The following ARHGEF16 variants were observed in gnomAD, a reference collection of about 807,000 sequenced individuals.
The protein encoded by ARHGEF16 is Rho guanine nucleotide exchange factor 16.
ARHGEF16 carries 59 observed loss-of-function variants against 74.1 expected under a neutral mutation model. That is an observed-to-expected ratio of 0.80 (90% CI 0.65 to 0.99). The LOEUF (loss-of-function observed/expected upper bound fraction) is 0.99, where lower values mean the gene tolerates loss of function less well. Among genes scored for constraint, ARHGEF16 ranks in the 50% least tolerant of loss-of-function variants. The probability of loss-of-function intolerance (pLI) is 0.00; values close to 1 mark genes in which losing one functional copy is unlikely to be tolerated. For synonymous variants in ARHGEF16, 415 were observed against 412.6 expected, an observed-to-expected ratio of 1.01 and a Z score of -0.07; for missense variants, 948 against 986.6, an observed-to-expected ratio of 0.96 and a Z score of 0.52.
intron 1 of ARHGEF16, among the ~76,000 whole-genome samples, chr1:3,461,006 G>T (rs1241893332): frequency 6.6e-6 from 1 of 152,160 alleles, no homozygotes; most frequent in Non-Finnish European, 1.5e-5. Context: ...CAGTTGTGTG[G>T]CTGACTGTAG....
At chr1:3,474,603 G>A (rs1340913123) in intron 8 of ARHGEF16, 105 bp from the exon 9 acceptor site, 3 of 1,089,128 alleles carry the variant, frequency 2.8e-6, no homozygotes, top group Non-Finnish European at 4.2e-6. Flanking sequence ...CCTGGGGGCA[G>A]CTGTTGACCA....
At chr1:3,473,979 G>C in intron 8 of ARHGEF16, 1 of 255,846 alleles carries the variant, frequency 3.9e-6, no homozygotes, top group Non-Finnish European at 7.6e-6. Flanking sequence ...ACAGGGCAGA[G>C]GGTATATGAG....
chr1:3,467,078 T>G (rs1448568862), intron 3 of ARHGEF16, 90 bp from the exon 4 acceptor site: 6 of 1,348,240 alleles, frequency 4.5e-6, no homozygotes, highest in East Asian at 2.5e-5. Flanking sequence ...TGAGAGCCTG[T>G]GGGCCTAGAG....
intron 1 of ARHGEF16, among the ~76,000 whole-genome samples, chr1:3,458,535 A>T (rs1639318629): frequency 6.6e-6 from 1 of 152,220 alleles, no homozygotes; most frequent in Non-Finnish European, 1.5e-5. Context: ...GCTTCAGGAT[A>T]TGGACCTGGC....
chr1:3,465,975 T>C, intron 2 of ARHGEF16, 173 bp from the exon 3 acceptor site: 1 of 674,764 alleles, frequency 1.5e-6, no homozygotes, highest in East Asian at 2.9e-5. Flanking sequence ...TGAGCCCTCC[T>C]CCCACCTCTC....
Position 3,473,446 on chromosome 1 carries a change from C to T in ARHGEF16, c.1229C>T (p.Ala410Val), listed in dbSNP as rs1415298818. 7.4e-6 allele frequency: 12 copies of T among 1,612,348 alleles called. No homozygotes were observed. Among genetic ancestry groups the T allele is most frequent in the African/African-American group, 2.7e-5 (2 of 74,938 alleles). ...CTGAGAGAGATTGAGAGGCGGCCGG[C>T]GTGCGGGGGCCTGCCCATGCTCTCC... Reference protein sequence around the residue: ...EALREIERRPACGGLPMLSFL... With the variant: ...EALREIERRPVCGGLPMLSFL... Residue 410 changes from alanine (A) to valine (V), a missense_variant, in exon 8 of 15, where the codon GCG (alanine) becomes GTG (valine). Ala to Val is a moderately conservative substitution (Grantham distance 64). Coordinates refer to ENST00000378378, the MANE Select transcript of ARHGEF16 (RefSeq NM_014448.4).
At position 3,478,598 on chromosome 1, in the gene ARHGEF16, C is replaced by T. The variant is rs1207898735; in HGVS notation, c.1800C>T (p.Leu600=). The T allele has an allele frequency of 6.2e-7, 1 of 1,609,930 alleles. No individual in the cohort carries two copies. ...NSEGRQEQLL[L]SSDSASDRAR... ...AGGGCCGCCAGGAGCAGCTCCTGCTCTCCTCGGACTCCGCGTAAGTGGGCT... is the reference window on the plus strand; with the variant it reads ...AGGGCCGCCAGGAGCAGCTCCTGCTTTCCTCGGACTCCGCGTAAGTGGGCT... The change falls in exon 12 of 15, where the codon CTC becomes CTT. Residue 600 remains leucine, a synonymous_variant. Transcript: ENST00000378378.
chr1:3,476,107 C>A (rs1269156431), intron 10 of ARHGEF16, 45 bp downstream of exon 10: 74 of 1,533,514 alleles, frequency 4.8e-5, no homozygotes, highest in Non-Finnish European at 6.5e-5. Context: ...ACTTCCCACT[C>A]AGCCCTCCCT....
chr1:3,468,737 C>T, intron 4 of ARHGEF16, 143 bp from the exon 5 acceptor site: 1 of 845,830 alleles, frequency 1.2e-6, no homozygotes, highest in Non-Finnish European at 1.9e-6. Flanking sequence ...CAGGACAGGC[C>T]TACTCCAGGA....
Position 3,471,977 on chromosome 1 carries a change from T to G in ARHGEF16, c.1023-1101T>G, listed in dbSNP as rs113161412. ...GGACTGCAGCTCCATCTGCTGGGGA[T>G]TCTCAAGGGCAAGCAGCTGTCAGGA... On this transcript the variant is annotated intron_variant, in intron 6 of 14. Coordinates refer to ENST00000378378, the MANE Select transcript of ARHGEF16 (RefSeq NM_014448.4). Among the ~76,000 whole-genome samples, 125 of 152,288 alleles carry G rather than the reference T, an allele frequency of 8.2e-4. 1 individual carries two copies. The highest frequency in any genetic ancestry group is 3.4e-3 in the Middle Eastern group (1 of 294).
intron 1 of ARHGEF16, among the ~76,000 whole-genome samples, chr1:3,461,158 G>A (rs896270686): frequency 1.3e-5 from 2 of 152,342 alleles, no homozygotes; most frequent in African/African-American, 2.4e-5. Context: ...ACTGAGTGGT[G>A]GTGGTTATTG....
chr1:3,468,993 G>A (rs1639629170), intron 5 of ARHGEF16, 57 bp downstream of exon 5: 81 of 1,542,620 alleles, frequency 5.3e-5, no homozygotes, highest in South Asian at 3.6e-4. Context: ...TGCAACACCC[G>A]GGGAGGGGCA....
At chr1:3,471,848 A>C in intron 6 of ARHGEF16, 2 of 1,038,560 alleles carry the variant, frequency 1.9e-6, no homozygotes, top group Non-Finnish European at 2.4e-6. Flanking sequence ...AGTCACCCAT[A>C]TGAGCTGCTG....
chr1:3,473,825 C>T (rs1463799968), intron 8 of ARHGEF16: 4 of 448,806 alleles, frequency 8.9e-6, no homozygotes, highest in Non-Finnish European at 1.6e-5. Flanking sequence ...CAGAGCCCTG[C>T]TGAGCCTCCT....
intron 1 of ARHGEF16, among the ~76,000 whole-genome samples, chr1:3,459,550 G>A (rs1177837561): frequency 6.6e-6 from 1 of 152,212 alleles, no homozygotes; most frequent in East Asian, 1.9e-4. Flanking sequence ...GGCCCCGGAA[G>A]CAGCAGAGGA....
chr1:3,479,738 T>C, intron 13 of ARHGEF16, 74 bp from the exon 14 acceptor site: 1 of 1,572,036 alleles, frequency 6.4e-7, no homozygotes, highest in Non-Finnish European at 8.7e-7. Context: ...GGGATGTGTC[T>C]GCTGGAGGCC....
At chr1:3,456,816 G>A (rs1269459380) in intron 1 of ARHGEF16, among the ~76,000 whole-genome samples, 4 of 152,230 alleles carry the variant, frequency 2.6e-5, no homozygotes, top group African/African-American at 9.6e-5. Flanking sequence ...CAGCAGCTGG[G>A]TTTATGGGAT....
chr1:3,472,445 C>T (rs1015522723), intron 6 of ARHGEF16, among the ~76,000 whole-genome samples: 3 of 152,256 alleles, frequency 2.0e-5, no homozygotes, highest in Non-Finnish European at 4.4e-5. Context: ...AGCTGGCCCC[C>T]CCCCGGCCTT....
chr1:3,464,251 T>C (rs1234780299), intron 2 of ARHGEF16, among the ~76,000 whole-genome samples: 2 of 152,326 alleles, frequency 1.3e-5, no homozygotes, highest in African/African-American at 4.8e-5. Flanking sequence ...CCTGACTGCA[T>C]GTGTCACTAG....
Sources: gnomAD v4.1 joint callset for allele counts (sites outside exome capture counted in the v4.1 genomes callset) on GRCh38, gnomAD v4.1.1 for gene constraint, MANE v1.5 for transcripts, NCBI Gene and HGNC (gene_info 2026-07-23, HGNC 2026-07-21) for gene names.